FGGY: variants seen among roughly 807,000 people sequenced by gnomAD.
FGGY encodes the protein FGGY carbohydrate kinase domain-containing protein.
Under a neutral mutation model 71.3 loss-of-function variants are expected in FGGY, and 72 were observed. That is an observed-to-expected ratio of 1.01 (90% CI 0.84 to 1.23). The LOEUF (loss-of-function observed/expected upper bound fraction) is 1.23. FGGY is among the 50% of genes most tolerant of loss of function. FGGY has a pLI of 0.00. For synonymous variants in FGGY, 251 were observed against 250.3 expected (o/e 1.00, Z -0.02); for missense variants, 668 against 682.3 (o/e 0.98, Z 0.23).
At chr1:59,587,023 G>A (rs1424673730) in intron 8 of FGGY, among the ~76,000 whole-genome samples, 1 of 152,232 alleles carries the variant, frequency 6.6e-6, no homozygotes, top group Non-Finnish European at 1.5e-5. Context: ...AAGGGGTCAG[G>A]GAGTTCCCTT....
At chr1:59,685,767 T>A (rs972201029) in intron 14 of FGGY, among the ~76,000 whole-genome samples, 8 of 152,164 alleles carry the variant, frequency 5.3e-5, no homozygotes, top group Admixed American at 1.3e-4. Context: ...TATTATTATT[T>A]TTTTTTAAAT....
upstream of FGGY, among the ~76,000 whole-genome samples, chr1:59,296,430 G>T (rs1310727053): frequency 6.6e-6 from 1 of 152,276 alleles, no homozygotes; most frequent in Non-Finnish European, 1.5e-5. Context: ...ATCAGGGGCT[G>T]CGGAGAGTCC....
chr1:59,541,931 G>A (rs775007624), intron 7 of FGGY, among the ~76,000 whole-genome samples: 40 of 152,168 alleles, frequency 2.6e-4, no homozygotes, highest in Non-Finnish European at 4.0e-4. Flanking sequence ...CATCATCATA[G>A]CAGTTGTAAG....
At chr1:59,484,087 TC>T (rs986453880) in intron 6 of FGGY, among the ~76,000 whole-genome samples, 1 of 152,148 alleles carries the variant, frequency 6.6e-6, no homozygotes, top group Non-Finnish European at 1.5e-5. Context: ...ATTATTATCT[TC>T]CTTTTACAGA....
At chr1:59,492,279 G>T (rs897935071) in intron 6 of FGGY, among the ~76,000 whole-genome samples, 1 of 151,914 alleles carries the variant, frequency 6.6e-6, no homozygotes, top group Non-Finnish European at 1.5e-5. Context: ...CATATTAGGG[G>T]CTCTCTTCAG....
At chr1:59,453,226 T>C (rs2091363263) in intron 5 of FGGY, among the ~76,000 whole-genome samples, 1 of 152,134 alleles carries the variant, frequency 6.6e-6, no homozygotes, top group African/African-American at 2.4e-5. Flanking sequence ...GTTTGAATAA[T>C]CCCAATGAAG....
chr1:59,361,087 C>T (rs981798467), intron 4 of FGGY, among the ~76,000 whole-genome samples: 2 of 152,272 alleles, frequency 1.3e-5, no homozygotes, highest in Middle Eastern at 3.4e-3. Flanking sequence ...TACAGGGTGT[C>T]CTTCACAAAT....
chr1:59,347,109 A>G (rs370613101), intron 4 of FGGY, among the ~76,000 whole-genome samples: 4 of 35,986 alleles, frequency 1.1e-4, no homozygotes, highest in Non-Finnish European at 2.4e-4. Context: ...ATTCTTTATT[A>G]TTATACTTTA....
chr1:59,484,974 A>G (rs549132100), intron 6 of FGGY, among the ~76,000 whole-genome samples: 3 of 152,342 alleles, frequency 2.0e-5, no homozygotes, highest in East Asian at 1.9e-4. Context: ...CAATTTTTCA[A>G]TAATTTAGAG....
chr1:59,584,894 A>G (rs1354075699), intron 8 of FGGY, among the ~76,000 whole-genome samples: 1 of 142,916 alleles, frequency 7.0e-6, no homozygotes, highest in Non-Finnish European at 1.5e-5. Context: ...GAGAGAGCCA[A>G]ATCTTGAGTG....
chr1:59,710,433 C>T, intron 14 of FGGY, among the ~76,000 whole-genome samples: 1 of 152,054 alleles, frequency 6.6e-6, no homozygotes, highest in Non-Finnish European at 1.5e-5. Flanking sequence ...CAACAAAAGC[C>T]AAAATTGACA....
chr1:59,468,291 C>T lies in FGGY; in HGVS notation c.670+11215C>T, dbSNP rs919534523. The stretch of plus-strand genomic sequence containing the variant: ...AGCTAACAGGCAATGAATGTATTTC[C>T]TTAATTCAGTGTTCACTGTCATCTT... On this transcript the variant is annotated intron_variant, in intron 6 of 15. Coordinates refer to ENST00000303721, the MANE Select transcript of FGGY (RefSeq NM_018291.5). 3.9e-5 allele frequency among the ~76,000 whole-genome samples: 6 copies of T among 152,110 alleles called. No homozygotes were observed. In the East Asian group the frequency reaches 1.2e-3, roughly 29 times the overall value.
At chr1:59,375,197 T>G in intron 4 of FGGY, among the ~76,000 whole-genome samples, 1 of 147,574 alleles carries the variant, frequency 6.8e-6, no homozygotes, top group African/African-American at 2.5e-5. Flanking sequence ...GGTGCAGAGG[T>G]TGCAGTGAGC....
At chr1:59,600,982 C>CTTTTTT (rs377505663) in intron 8 of FGGY, among the ~76,000 whole-genome samples, 3 of 127,044 alleles carry the variant, frequency 2.4e-5, no homozygotes, top group African/African-American at 6.0e-5. Context: ...ATTCTCTATG[C>CTTTTTT]TTTTTTTTTT....
intron 7 of FGGY, among the ~76,000 whole-genome samples, chr1:59,549,560 A>G (rs1193442885): frequency 1.3e-5 from 2 of 152,242 alleles, no homozygotes; most frequent in Non-Finnish European, 2.9e-5. Context: ...CACATATCAC[A>G]GGATTTTCTA....
At chr1:59,314,024 T>C (rs1215414258) in intron 1 of FGGY, among the ~76,000 whole-genome samples, 1 of 151,922 alleles carries the variant, frequency 6.6e-6, no homozygotes, top group Non-Finnish European at 1.5e-5. Flanking sequence ...TAGAGTGCGG[T>C]AGCGCAATCT....
intron 5 of FGGY, among the ~76,000 whole-genome samples, chr1:59,407,884 T>C (rs1395816438): frequency 2.0e-5 from 3 of 152,242 alleles, no homozygotes; most frequent in African/African-American, 7.2e-5. Context: ...TATTGCCTAC[T>C]ACATGTAAAT....
intron 11 of FGGY, among the ~76,000 whole-genome samples, chr1:59,653,688 T>C (rs1327878426): frequency 2.6e-5 from 4 of 152,210 alleles, no homozygotes; most frequent in East Asian, 1.9e-4. Flanking sequence ...GTACCTCAGA[T>C]GGAAATGCGG....
intron 8 of FGGY, among the ~76,000 whole-genome samples, chr1:59,605,702 T>G (rs34780392): frequency 0.17 from 26,196 of 152,010 alleles, 2,964 homozygotes; most frequent in South Asian, 0.31. Context: ...TCCCATTTTG[T>G]GGTTGGAAAT....
Sources: gnomAD v4.1 joint callset for allele counts (sites outside exome capture counted in the v4.1 genomes callset) on GRCh38, gnomAD v4.1.1 for gene constraint, MANE v1.5 for transcripts, NCBI Gene and HGNC (gene_info 2026-07-23, HGNC 2026-07-21) for gene names.